The following POC1B variants were observed in gnomAD, a reference collection of about 807,000 sequenced individuals.
POC1B encodes the protein POC1 centriolar protein B.
A neutral mutation model predicts 60.6 loss-of-function variants in POC1B; 44 were observed. The ratio of observed to expected loss-of-function variants is 0.73; its 90% confidence interval spans 0.57 to 0.93. POC1B has a LOEUF of 0.93. Ranked by LOEUF, POC1B falls within the 40% of genes least tolerant of loss-of-function variation. POC1B has a pLI of 0.00. For missense variants in POC1B, 555 were observed against 572.3 expected (o/e 0.97, Z 0.31); for synonymous variants, 180 against 198.9 (o/e 0.90, Z 0.80).
intron 2 of POC1B, among the ~76,000 whole-genome samples, chr12:89,515,320 A>G (rs896927920): frequency 2.0e-5 from 3 of 152,042 alleles, no homozygotes; most frequent in African/African-American, 7.2e-5. Context: ...TTTTTTGAAG[A>G]TAGGGGTCCC....
At chr12:89,436,526 C>A (rs993115941) in intron 10 of POC1B, among the ~76,000 whole-genome samples, 26 of 152,036 alleles carry the variant, frequency 1.7e-4, no homozygotes, top group Non-Finnish European at 3.4e-4. Context: ...CCAGCCTGGC[C>A]AACATGGCAA....
At chr12:89,507,135 T>C (rs1336643623) in intron 2 of POC1B, among the ~76,000 whole-genome samples, 1 of 151,546 alleles carries the variant, frequency 6.6e-6, no homozygotes, top group Non-Finnish European at 1.5e-5. Context: ...TAGCTGGGCA[T>C]GGTGACCTGC....
intron 4 of POC1B, chr12:89,472,476 T>C (rs1882937865): frequency 4.2e-6 from 2 of 481,660 alleles, no homozygotes; most frequent in East Asian, 7.7e-5. Flanking sequence ...GGTCAAAATA[T>C]GCTATGTAGA....
intron 9 of POC1B, 139 bp downstream of exon 9, chr12:89,466,630 GA>G (rs1287486528): frequency 3.8e-6 from 3 of 782,092 alleles, no homozygotes; most frequent in Non-Finnish European, 3.9e-6. Context: ...ACACTATAGT[GA>G]AAACAACTGT....
chr12:89,455,093 A>G (rs7299139), intron 10 of POC1B, among the ~76,000 whole-genome samples: 114,820 of 152,088 alleles, frequency 0.75, 43,432 homozygotes, highest in Middle Eastern at 0.82. Flanking sequence ...CAGCACTTTG[A>G]GAGGCCGAGG....
chr12:89,514,916 C>A (rs74756010), intron 2 of POC1B, among the ~76,000 whole-genome samples: 1 of 152,088 alleles, frequency 6.6e-6, no homozygotes, highest in East Asian at 1.9e-4. Context: ...CTGGTACCCA[C>A]GCCTTCTCTC....
the POC1B span, among the ~76,000 whole-genome samples, chr12:89,411,984 T>C: frequency 6.6e-6 from 1 of 152,206 alleles, no homozygotes; most frequent in Admixed American, 6.5e-5. Flanking sequence ...AAGGCTTCAG[T>C]GGAATTCTAT....
At chr12:89,525,002 C>G (rs1871306331) in intron 2 of POC1B, 118 bp downstream of exon 2, 2 of 1,467,662 alleles carry the variant, frequency 1.4e-6, no homozygotes, top group Non-Finnish European at 9.3e-7. Flanking sequence ...TCCGGGTGCT[C>G]TCAACCCTCA....
intron 10 of POC1B, among the ~76,000 whole-genome samples, chr12:89,442,512 A>G (rs1881571180): frequency 6.6e-6 from 1 of 152,242 alleles, no homozygotes; most frequent in African/African-American, 2.4e-5. Flanking sequence ...ACTAAGCTTC[A>G]TAAGTGAAGG....
rs1255513945 is a variant in POC1B at position 89,522,186 on chromosome 12, TA to T, written c.100+2933del. 3.3e-5 allele frequency: 13 copies of T among 398,746 alleles called. No homozygotes were observed. The South Asian group carries it at 1.0e-3, about 31-fold the overall frequency. 24.7% of individuals were successfully genotyped at this position (398,746 alleles called of 1,614,324 possible). On this transcript the variant is annotated intron_variant, in intron 2 of 11. Coordinates refer to ENST00000313546, the MANE Select transcript of POC1B (RefSeq NM_172240.3). ...AATGTAAATATCTCCCCATTTCATT[TA>T]AATATGGGTATGTCTGCATGTTAAA...
At chr12:89,493,232 C>T (rs1592625266) in intron 3 of POC1B, among the ~76,000 whole-genome samples, 1 of 152,206 alleles carries the variant, frequency 6.6e-6, no homozygotes, top group South Asian at 2.1e-4. Flanking sequence ...TTTGCTACAA[C>T]GATTTTGCTT....
At chr12:89,483,396 C>T (rs1259371780) in intron 4 of POC1B, among the ~76,000 whole-genome samples, 3 of 152,128 alleles carry the variant, frequency 2.0e-5, no homozygotes, top group Admixed American at 6.5e-5. Context: ...TATAAATTAC[C>T]CAGTCTCAGG....
At chr12:89,439,390 C>A (rs1007280068) in intron 10 of POC1B, among the ~76,000 whole-genome samples, 1 of 152,150 alleles carries the variant, frequency 6.6e-6, no homozygotes, top group Non-Finnish European at 1.5e-5. Flanking sequence ...GTTCTCCCAA[C>A]CTTTCACTTC....
At chr12:89,521,758 G>A (rs1227649710) in intron 2 of POC1B, 1 of 357,944 alleles carries the variant, frequency 2.8e-6, no homozygotes, top group African/African-American at 2.1e-5. Context: ...CTCGGTGCTA[G>A]GAGATTGAAA....
chr12:89,504,867 C>T (rs892720197), intron 2 of POC1B, among the ~76,000 whole-genome samples: 5 of 152,000 alleles, frequency 3.3e-5, no homozygotes, highest in Non-Finnish European at 7.4e-5. Context: ...CAATTTGAGA[C>T]GCCAAGGTGA....
intron 2 of POC1B, among the ~76,000 whole-genome samples, chr12:89,513,249 T>TG (rs1348054396): frequency 2.0e-4 from 12 of 61,164 alleles, no homozygotes; most frequent in African/African-American, 6.4e-4. Context: ...ATCAAGAATT[T>TG]GAAAAAAAAA....
intron 2 of POC1B, chr12:89,501,205 C>T (rs987168042): frequency 7.1e-7 from 1 of 1,413,232 alleles, no homozygotes; most frequent in Admixed American, 1.7e-5. Context: ...CCATAAACCT[C>T]ACCTAGTAGA....
intron 2 of POC1B, chr12:89,523,649 T>A: frequency 6.5e-7 from 1 of 1,538,288 alleles, no homozygotes. Context: ...ATGGGGTCAA[T>A]TCTTGATATC....
chr12:89,446,965 T>C (rs1881817322), intron 10 of POC1B, among the ~76,000 whole-genome samples: 1 of 152,136 alleles, frequency 6.6e-6, no homozygotes, highest in Non-Finnish European at 1.5e-5. Flanking sequence ...AACATACTCA[T>C]AGTTTGGGAT....
Sources: gnomAD v4.1 joint callset for allele counts (sites outside exome capture counted in the v4.1 genomes callset) on GRCh38, gnomAD v4.1.1 for gene constraint, MANE v1.5 for transcripts, NCBI Gene and HGNC (gene_info 2026-07-23, HGNC 2026-07-21) for gene names.